The following AGO2 variants were observed in gnomAD, a reference collection of about 807,000 sequenced individuals.
AGO2 encodes the protein protein argonaute-2.
In AGO2, 5 loss-of-function variants were observed where a neutral mutation model predicts 102.3. The ratio of observed to expected loss-of-function variants is 0.05; its 90% CI spans 0.03 to 0.10. AGO2 has a LOEUF of 0.10. AGO2 is among the 10% of genes least tolerant of loss of function. The pLI, the probability that AGO2 is intolerant of heterozygous loss-of-function variation, is 1.00. For synonymous variants in AGO2, 449 were observed against 473.1 expected, an observed-to-expected ratio of 0.95 and a Z score of 0.66; for missense variants, 541 against 1,183.7, an observed-to-expected ratio of 0.46 and a Z score of 7.97.
At chr8:140,577,293 C>CCATGTCCAAAG (rs1564096547) in intron 2 of AGO2, among the ~76,000 whole-genome samples, 3 of 151,266 alleles carry the variant, frequency 2.0e-5, no homozygotes, top group African/African-American at 7.3e-5. Context: ...AATGATTCCA[C>CCATGTCCAAAG]GTATAGGAAA....
At position 140,627,805 on chromosome 8, in the gene AGO2, C is replaced by T. The variant is rs78893461; in HGVS notation, c.22+7680G>A. On this transcript the variant is annotated intron_variant, in intron 1 of 18. Coordinates refer to ENST00000220592, the MANE Select transcript of AGO2 (RefSeq NM_012154.5). ...CAGGCGGCACCCCACACAAGCATGG[C>T]GGTCACTTGTCAGAGCTCCACGCTT... Among the ~76,000 whole-genome samples, 702 of 152,308 alleles carry T rather than the reference C, an allele frequency of 4.6e-3. 8 individuals carry two copies. The highest frequency in any genetic ancestry group is 0.015 in the African/African-American group (642 of 41,558).
chr8:140,536,326 ATTT>A (rs11327457), intron 16 of AGO2, among the ~76,000 whole-genome samples: 10 of 139,102 alleles, frequency 7.2e-5, no homozygotes, highest in Admixed American at 7.2e-5. Context: ...CTTCTTTGCA[ATTT>A]TTTTTTTTTT....
intron 2 of AGO2, among the ~76,000 whole-genome samples, chr8:140,578,627 C>G (rs1426117799): frequency 1.3e-5 from 2 of 152,252 alleles, no homozygotes; most frequent in African/African-American, 4.8e-5. Context: ...AGATGACAGC[C>G]CAGGAGTTCA....
At chr8:140,579,935 G>A (rs1436279765) in intron 2 of AGO2, among the ~76,000 whole-genome samples, 1 of 152,214 alleles carries the variant, frequency 6.6e-6, no homozygotes, top group South Asian at 2.1e-4. Flanking sequence ...CGCATCTGCT[G>A]GTTCTTCTGG....
At chr8:140,624,058 C>T (rs370396386) in intron 1 of AGO2, among the ~76,000 whole-genome samples, 11 of 152,094 alleles carry the variant, frequency 7.2e-5, no homozygotes, top group East Asian at 5.8e-4. Flanking sequence ...CAGGAAGGTG[C>T]AGGGCGAGCG....
At chr8:140,549,478 C>T (rs1460125755) in intron 11 of AGO2, among the ~76,000 whole-genome samples, 180 bp from the exon 12 acceptor site, 3 of 152,274 alleles carry the variant, frequency 2.0e-5, no homozygotes, top group Non-Finnish European at 4.4e-5. Flanking sequence ...CTAACACATA[C>T]TAACTCATGA....
At chr8:140,561,295 C>T (rs184331348) in intron 4 of AGO2, among the ~76,000 whole-genome samples, 104 of 152,332 alleles carry the variant, frequency 6.8e-4, no homozygotes, top group Non-Finnish European at 1.2e-3. Flanking sequence ...TTGTGGGCTG[C>T]GCTGATCTAA....
chr8:140,599,152 C>T (rs2073892280), intron 1 of AGO2, among the ~76,000 whole-genome samples: 1 of 152,192 alleles, frequency 6.6e-6, no homozygotes, highest in Non-Finnish European at 1.5e-5. Flanking sequence ...GCTTGGGAAG[C>T]AGTCCCCAAA....
intron 10 of AGO2, among the ~76,000 whole-genome samples, chr8:140,552,728 A>ACGCG (rs71504805): frequency 0.12 from 14,569 of 121,966 alleles, 963 homozygotes; most frequent in East Asian, 0.19. Context: ...ACGCACATGC[A>ACGCG]CGCGCGCGCG....
chr8:140,523,299 C>T lies in AGO2; in HGVS notation c.*8745G>A, dbSNP rs1033734167. 1 of 152,130 alleles carries T rather than the reference C, an allele frequency of 6.6e-6. No homozygotes were observed. Among genetic ancestry groups the T allele is most frequent in the African/African-American group, 2.4e-5 (1 of 41,424 alleles). The allele number at this position is 152,130 out of a possible 1,614,324, so 9.4% of individuals were successfully genotyped here. A position where few individuals can be genotyped will look rare whatever the true frequency, so the allele number is the denominator to read the frequency against. ...CATAATACATTTTGATTCAAAATGTCTTCTAAAATGTTTTCATTGTGGGAG... is the reference window on the plus strand; with the variant it reads ...CATAATACATTTTGATTCAAAATGTTTTCTAAAATGTTTTCATTGTGGGAG... On this transcript the variant is annotated 3_prime_UTR_variant, in exon 19 of 19. Coordinates refer to ENST00000220592, the MANE Select transcript of AGO2 (RefSeq NM_012154.5).
chr8:140,611,439 T>C (rs2074077868), intron 1 of AGO2, among the ~76,000 whole-genome samples: 1 of 151,834 alleles, frequency 6.6e-6, no homozygotes, highest in South Asian at 2.1e-4. Context: ...GCGATTCTCC[T>C]CCCTCAGCCT....
In AGO2 at chr8:140,625,089, G is replaced by A. The variant is rs546332762; in HGVS notation, c.22+10396C>T. The stretch of plus-strand genomic sequence containing the variant: ...GATCCTTTTAAAGACTAAGTCAGCT[G>A]GCGTCCCTCCTCTGCTCAGTCCCTG... On this transcript the variant is annotated intron_variant, in intron 1 of 18. Coordinates refer to ENST00000220592, the MANE Select transcript of AGO2 (RefSeq NM_012154.5). Among the ~76,000 whole-genome samples, 289 of 152,270 alleles carry A rather than the reference G, an allele frequency of 1.9e-3. 3 individuals carry two copies. Among genetic ancestry groups the A allele is most frequent in the African/African-American group, 6.7e-3 (280 of 41,558 alleles).
chr8:140,538,327 A>G (rs1462842585), intron 16 of AGO2, among the ~76,000 whole-genome samples: 1 of 152,176 alleles, frequency 6.6e-6, no homozygotes, highest in Non-Finnish European at 1.5e-5. Flanking sequence ...GACCAGGTCA[A>G]GGTCTCCTGG....
At chr8:140,546,425 G>A (rs896571958) in intron 13 of AGO2, among the ~76,000 whole-genome samples, 2 of 152,214 alleles carry the variant, frequency 1.3e-5, no homozygotes, top group African/African-American at 4.8e-5. Flanking sequence ...AGCCCCGCTG[G>A]GGTTCAAGAG....
chr8:140,628,905 G>A (rs2074307277), intron 1 of AGO2, among the ~76,000 whole-genome samples: 1 of 149,938 alleles, frequency 6.7e-6, no homozygotes, highest in South Asian at 2.1e-4. Context: ...TGGGCAACAT[G>A]GCAAAATCCC....
At chr8:140,618,513 A>C (rs974325927) in intron 1 of AGO2, among the ~76,000 whole-genome samples, 2 of 152,032 alleles carry the variant, frequency 1.3e-5, no homozygotes, top group Non-Finnish European at 2.9e-5. Flanking sequence ...TAAATATACA[A>C]ATATGCTTCC....
intron 13 of AGO2, among the ~76,000 whole-genome samples, chr8:140,546,699 T>C (rs1198329878): frequency 6.6e-6 from 1 of 152,240 alleles, no homozygotes. Context: ...AGTTCCCTCC[T>C]GCCCAAACGC....
intron 1 of AGO2, among the ~76,000 whole-genome samples, chr8:140,632,610 C>G (rs376179879): frequency 1.8e-4 from 28 of 152,326 alleles, no homozygotes; most frequent in African/African-American, 6.3e-4. Flanking sequence ...GGCAGGCAAT[C>G]ACTAGACACA....
chr8:140,595,943 A>G (rs1454811189), intron 1 of AGO2, among the ~76,000 whole-genome samples: 1 of 54,590 alleles, frequency 1.8e-5, no homozygotes, highest in African/African-American at 5.8e-5. Context: ...TATATAATAT[A>G]TATTTTATAT....
Sources: allele counts gnomAD v4.1 joint callset (sites outside exome capture counted in the v4.1 genomes callset), GRCh38; gene constraint gnomAD v4.1.1; transcripts MANE v1.5; gene names NCBI Gene and HGNC (gene_info 2026-07-23, HGNC 2026-07-21).